PTK2: variants seen among roughly 807,000 people sequenced by gnomAD.
PTK2 encodes the protein focal adhesion kinase 1.
PTK2 carries 45 observed loss-of-function variants against 150.1 expected under a neutral mutation model. That is an observed-to-expected ratio of 0.30 (90% CI 0.24 to 0.38). The LOEUF is 0.38. Ranked by LOEUF, PTK2 falls within the 10% of genes least tolerant of loss-of-function variation. The probability of loss-of-function intolerance (pLI) is 1.00; values close to 1 mark genes in which losing one functional copy is unlikely to be tolerated. For missense variants in PTK2, 919 were observed against 1,307.3 expected (o/e 0.70, Z 4.58); for synonymous variants, 432 against 449.2 (o/e 0.96, Z 0.48).
chr8:140,997,460 A>G (rs2100198216), intron 1 of PTK2, among the ~76,000 whole-genome samples: 1 of 152,230 alleles, frequency 6.6e-6, no homozygotes, highest in Non-Finnish European at 1.5e-5. Flanking sequence ...ATCTTTAATG[A>G]AAGAACGAGC....
chr8:140,728,269 G>C (rs2100047146), intron 22 of PTK2, among the ~76,000 whole-genome samples: 1 of 151,962 alleles, frequency 6.6e-6, no homozygotes, highest in East Asian at 1.9e-4. Context: ...GGTGGGGCCA[G>C]GATTCAAAGT....
chr8:140,965,293 C>A (rs961842868), intron 1 of PTK2, among the ~76,000 whole-genome samples: 1 of 152,166 alleles, frequency 6.6e-6, no homozygotes, highest in Non-Finnish European at 1.5e-5. Context: ...TCTATGCCAT[C>A]TGCTGCTCCT....
chr8:140,803,441 G>C, intron 11 of PTK2, 102 bp downstream of exon 11: 2 of 879,206 alleles, frequency 2.3e-6, no homozygotes, highest in Non-Finnish European at 1.9e-6. Flanking sequence ...TTGTGATTCT[G>C]ATGATCCATA....
intron 1 of PTK2, among the ~76,000 whole-genome samples, chr8:140,932,648 T>C (rs1268695923): frequency 1.3e-5 from 2 of 152,200 alleles, no homozygotes; most frequent in Non-Finnish European, 2.9e-5. Context: ...AAAGGAAGCA[T>C]GCCATATAAA....
intron 7 of PTK2, among the ~76,000 whole-genome samples, chr8:140,838,019 G>A (rs974593152): frequency 6.6e-6 from 1 of 151,694 alleles, no homozygotes; most frequent in African/African-American, 2.4e-5. Context: ...CCGAGGTCAC[G>A]CCACTGCACT....
chr8:140,715,155 GTTTTTTTTTTTTTTTTTTTTT>G lies in PTK2; in HGVS notation c.2142+2422_2142+2442del, dbSNP rs67306225. ...AGATGATTTTCTAGCCATTAAAACC[GTTTTTTTTTTTTTTTTTTTTT>G]TTTTTTTTTTTTTTTTGAGAGAGTC... On this transcript the variant is annotated intron_variant, in intron 23 of 31. Transcript: ENST00000522684. Among the ~76,000 whole-genome samples, 13 of 56,016 alleles carry G rather than the reference GTTTTTTTTTTTTTTTTTTTTT, an allele frequency of 2.3e-4. 1 individual carries two copies. The highest frequency in any genetic ancestry group is 1.3e-3 in the East Asian group (2 of 1,514). 36.7% of individuals were successfully genotyped at this position (56,016 alleles called of 152,430 possible).
intron 1 of PTK2, among the ~76,000 whole-genome samples, chr8:140,938,021 T>A (rs947755055): frequency 3.9e-5 from 6 of 152,258 alleles, no homozygotes; most frequent in African/African-American, 1.4e-4. Context: ...TTAGTTGATC[T>A]CTACATTATT....
chr8:140,674,079 G>C (rs372526963), intron 29 of PTK2: 32 of 700,558 alleles, frequency 4.6e-5, no homozygotes, highest in African/African-American at 1.6e-4. Context: ...ATTACACTGA[G>C]AGGAAAATGG....
In PTK2 at chr8:140,846,584, T is replaced by C. The variant is rs372021990; in HGVS notation, c.530+15A>G. The C allele has an allele frequency of 3.8e-5, 60 of 1,567,344 alleles. No individual in the cohort carries two copies. The highest frequency in any genetic ancestry group is 1.5e-4 in the Admixed American group (9 of 58,750). On this transcript the variant is annotated intron_variant, in intron 6 of 31. Coordinates refer to ENST00000522684, the Ensembl canonical transcript of PTK2. Reference sequence around the variant, plus strand: ...ATTGATAAATAAAGGCCGCAATGTATAGTTATCATCTTACCGTATTTCTAG... The same window carrying C: ...ATTGATAAATAAAGGCCGCAATGTACAGTTATCATCTTACCGTATTTCTAG...
chr8:140,982,774 A>G (rs1461183279), intron 1 of PTK2, among the ~76,000 whole-genome samples: 8 of 152,216 alleles, frequency 5.3e-5, no homozygotes, highest in Non-Finnish European at 2.9e-5. Flanking sequence ...ACGTTTTCAG[A>G]AGCAAGTTAC....
At chr8:140,935,929 A>G (rs1274901677) in intron 1 of PTK2, among the ~76,000 whole-genome samples, 5 of 151,936 alleles carry the variant, frequency 3.3e-5, no homozygotes, top group African/African-American at 9.7e-5. Context: ...TTACAGGTGT[A>G]AGCCACCACA....
At chr8:140,982,867 GAATA>G (rs2154609976) in intron 1 of PTK2, among the ~76,000 whole-genome samples, 1 of 152,284 alleles carries the variant, frequency 6.6e-6, no homozygotes, top group African/African-American at 2.4e-5. Flanking sequence ...AAGTGGTAAT[GAATA>G]AACAGGGAAT....
intron 31 of PTK2, among the ~76,000 whole-genome samples, chr8:140,663,877 A>T (rs1332570978): frequency 6.6e-6 from 1 of 152,122 alleles, no homozygotes; most frequent in Admixed American, 6.5e-5. Flanking sequence ...GGCTGGTCAT[A>T]AACTGGCTTT....
intron 1 of PTK2, among the ~76,000 whole-genome samples, chr8:140,966,328 G>A (rs574076553): frequency 1.3e-5 from 2 of 152,308 alleles, no homozygotes; most frequent in African/African-American, 4.8e-5. Flanking sequence ...GCCACATTCT[G>A]ATAACCGCTT....
chr8:140,843,412 G>A (rs2100123450), intron 7 of PTK2, among the ~76,000 whole-genome samples: 1 of 152,056 alleles, frequency 6.6e-6, no homozygotes, highest in African/African-American at 2.4e-5. Context: ...TTCTCACATA[G>A]ACTCTATCTT....
rs182159822 is a variant in PTK2, at chr8:140,906,776, T to C, written c.-32-16007A>G. Among the ~76,000 whole-genome samples the C allele has an allele frequency of 9.9e-5, 15 of 152,272 alleles. 1 individual carries two copies. The highest frequency in any genetic ancestry group is 2.2e-4 in the African/African-American group (9 of 41,562). On this transcript the variant is annotated intron_variant, in intron 2 of 31. Coordinates refer to ENST00000522684, the Ensembl canonical transcript of PTK2. ...CAAGAAAATCACAGTTAATAATTTATTGCATATTTTAAAATGAGAATTGTA... is the reference window on the plus strand; with the variant it reads ...CAAGAAAATCACAGTTAATAATTTACTGCATATTTTAAAATGAGAATTGTA...
chr8:140,849,647 A>G (rs1179511372), intron 5 of PTK2, among the ~76,000 whole-genome samples: 1 of 152,236 alleles, frequency 6.6e-6, no homozygotes, highest in Non-Finnish European at 1.5e-5. Context: ...AGCCTAAAAG[A>G]TTGATCAAAA....
chr8:140,768,731 G>A (rs903613846), intron 14 of PTK2, among the ~76,000 whole-genome samples: 4 of 152,296 alleles, frequency 2.6e-5, no homozygotes, highest in African/African-American at 9.6e-5. Context: ...ATGAATTGCA[G>A]CTGCTAATTG....
intron 27 of PTK2, among the ~76,000 whole-genome samples, chr8:140,676,192 A>G (rs1475454149): frequency 2.6e-5 from 4 of 152,158 alleles, no homozygotes; most frequent in South Asian, 2.1e-4. Context: ...CCTGGCCAAC[A>G]TGGCAAAACC....
Sources: gnomAD v4.1 joint callset for allele counts (sites outside exome capture counted in the v4.1 genomes callset) on GRCh38, gnomAD v4.1.1 for gene constraint, MANE v1.5 for transcripts, NCBI Gene and HGNC (gene_info 2026-07-23, HGNC 2026-07-21) for gene names.